The following MDGA1 variants were observed in gnomAD, a reference collection of about 807,000 sequenced individuals.
MDGA1 encodes the protein MAM domain-containing glycosylphosphatidylinositol anchor protein 1.
A neutral mutation model predicts 101.5 loss-of-function variants in MDGA1; 54 were observed. The ratio of observed to expected loss-of-function variants is 0.53; its 90% CI spans 0.43 to 0.67. The LOEUF (loss-of-function observed/expected upper bound fraction) is 0.67, where lower values mean the gene tolerates loss of function less well. Ranked by LOEUF, MDGA1 falls within the 30% of genes least tolerant of loss-of-function variation. The pLI, the probability that MDGA1 is intolerant of heterozygous loss-of-function variation, is 0.00. For synonymous variants in MDGA1, 533 were observed against 558.3 expected (o/e 0.95, Z 0.64); for missense variants, 1,083 against 1,323.8 (o/e 0.82, Z 2.82).
rs1338658974 is a variant in MDGA1, at chr6:37,696,641, TC to T, written c.67+103del. ...GGGGACGCGGGCATCCACTCCAGAG[TC>T]CGAGTCGAGGTCTCCACCAAACCCC... On this transcript the variant is annotated intron_variant, in intron 1 of 16. Coordinates refer to ENST00000434837, the MANE Select transcript of MDGA1 (RefSeq NM_153487.4). This position sits in a 1 kb window ranked among gnomAD's most constrained non-coding sequence, Gnocchi z 5.6. The T allele has an allele frequency of 8.9e-7, 1 of 1,125,026 alleles. No individual in the cohort carries two copies. The highest frequency in any genetic ancestry group is 1.3e-6 in the Non-Finnish European group (1 of 763,824). The allele number at this position is 1,125,026 out of a possible 1,614,324, so 69.7% of individuals were successfully genotyped here.
chr6:37,637,305 G>C lies in MDGA1; in HGVS notation c.*63C>G. ...CCCCAGCTGGCGGGGGTCAGTCTTTGGTACAATGTGGACACTTTGGTGTGC... is the reference window on the plus strand; with the variant it reads ...CCCCAGCTGGCGGGGGTCAGTCTTTCGTACAATGTGGACACTTTGGTGTGC... On this transcript the variant is annotated 3_prime_UTR_variant, in exon 17 of 17. Coordinates refer to ENST00000434837, the MANE Select transcript of MDGA1 (RefSeq NM_153487.4). 7.2e-7 allele frequency: 1 copy of C among 1,394,718 alleles called. No individual in the cohort carries two copies. Among genetic ancestry groups the C allele is most frequent in the Non-Finnish European group, 1.0e-6 (1 of 989,326 alleles). The allele number at this position is 1,394,718 out of a possible 1,614,324, so 86.4% of individuals were successfully genotyped here.
Position 37,671,587 on chromosome 6 carries a change from T to C in MDGA1, c.68-7481A>G, listed in dbSNP as rs116717732. 4.8e-3 allele frequency among the ~76,000 whole-genome samples: 738 copies of C among 152,226 alleles called. 5 individuals carry two copies. The highest frequency in any genetic ancestry group is 0.017 in the African/African-American group (712 of 41,512). The stretch of plus-strand genomic sequence containing the variant: ...CCAAAAATTATACACCCAAAATGTA[T>C]AGTTATGGGTAGGGGCTTCCAGCAC... On this transcript the variant is annotated intron_variant, in intron 1 of 16. Transcript: ENST00000434837.
intron 8 of MDGA1, 68 bp from the exon 9 acceptor site, chr6:37,649,334 G>A (rs1404107962): frequency 1.4e-6 from 2 of 1,412,504 alleles, no homozygotes; most frequent in African/African-American, 1.5e-5. Context: ...TGGCCCGTGG[G>A]GAGGCAACGC....
In MDGA1 at chr6:37,649,028, G is replaced by A. The variant is rs1761287570; in HGVS notation, c.1848C>T (p.Ser616=). The A allele has an allele frequency of 1.3e-6, 2 of 1,549,506 alleles. No individual in the cohort carries two copies. The highest frequency in any genetic ancestry group is 1.7e-6 in the Non-Finnish European group (2 of 1,147,826). The change falls in exon 9 of 17, where the codon AGC becomes AGT. Residue 616 remains serine, a synonymous_variant. Coordinates refer to ENST00000434837, the MANE Select transcript of MDGA1 (RefSeq NM_153487.4). ...TRDSSGSYEC[S]VSNDVGSAAC... ...CAGCCGAGCCCACATCGTTGGAGACGCTGCACTCGTAGCTGCCGCTGCTGT... is the reference window on the plus strand; with the variant it reads ...CAGCCGAGCCCACATCGTTGGAGACACTGCACTCGTAGCTGCCGCTGCTGT...
intron 1 of MDGA1, among the ~76,000 whole-genome samples, chr6:37,664,847 ACACACACACAC>A (rs2114054821): frequency 9.2e-5 from 6 of 65,170 alleles, no homozygotes; most frequent in African/African-American, 3.5e-4. Flanking sequence ...CCTAAGACAC[ACACACACACAC>A]ACACACACAC....
rs1304062329 is a variant in MDGA1 at position 37,638,492 on chromosome 6, C to A, written c.2667+45G>T. On this transcript the variant is annotated intron_variant, in intron 15 of 16. Transcript: ENST00000434837. The surrounding 1 kb of genome is among the most constrained non-coding windows in gnomAD (Gnocchi z 4.8). The stretch of plus-strand genomic sequence containing the variant: ...TTTCCTAAGTGTTTCCTGGCCACAG[C>A]AACCACCGAAGCCGGGGAGGGTCCT... The A allele has an allele frequency of 6.2e-7, 1 of 1,610,432 alleles. No homozygotes were observed. Among genetic ancestry groups the A allele is most frequent in the East Asian group, 2.2e-5 (1 of 44,692 alleles).
At chr6:37,685,111 G>T (rs1762171977) in intron 1 of MDGA1, among the ~76,000 whole-genome samples, 1 of 152,064 alleles carries the variant, frequency 6.6e-6, no homozygotes, top group Non-Finnish European at 1.5e-5. Flanking sequence ...AGGCCAGCCT[G>T]GGCAACATGG....
chr6:37,643,549 G>C (rs968760857), intron 14 of MDGA1, among the ~76,000 whole-genome samples: 2 of 152,246 alleles, frequency 1.3e-5, no homozygotes, highest in Non-Finnish European at 2.9e-5. Flanking sequence ...TGGGATTACA[G>C]GCGTGAGCCA....
chr6:37,685,721 G>A (rs935544884), intron 1 of MDGA1, among the ~76,000 whole-genome samples: 2 of 152,104 alleles, frequency 1.3e-5, no homozygotes, highest in African/African-American at 4.8e-5. Flanking sequence ...GTGTCGGGGG[G>A]CGCTGGCAGA....
In MDGA1 at chr6:37,684,082, C is replaced by T. The variant is rs1262218058; in HGVS notation, c.67+12663G>A. 5.3e-5 allele frequency among the ~76,000 whole-genome samples: 8 copies of T among 152,254 alleles called. No homozygotes were observed. The East Asian group carries it at 1.5e-3, about 29-fold the overall frequency. On this transcript the variant is annotated intron_variant, in intron 1 of 16. Transcript: ENST00000434837. Reference sequence around the variant, plus strand: ...CTGAATCTCATGGCTCAAGATCCAGCTCATCTGATCAACCAACCTGTGCCA... The same window carrying T: ...CTGAATCTCATGGCTCAAGATCCAGTTCATCTGATCAACCAACCTGTGCCA...
chr6:37,647,144 C>T (rs1433075109), intron 10 of MDGA1, 29 bp downstream of exon 10: 2 of 1,574,210 alleles, frequency 1.3e-6, no homozygotes, highest in East Asian at 4.6e-5. Flanking sequence ...CTCCACCTGC[C>T]CCCAGGCCCC....
At chr6:37,649,560 G>T (rs1416060052) in intron 8 of MDGA1, among the ~76,000 whole-genome samples, 1 of 152,206 alleles carries the variant, frequency 6.6e-6, no homozygotes, top group East Asian at 1.9e-4. Flanking sequence ...TGAAATGCAG[G>T]ATAACGCAGG....
chr6:37,636,732 T>C lies in MDGA1; in HGVS notation c.*636A>G, dbSNP rs1292637177. 1 of 152,736 alleles carries C rather than the reference T, an allele frequency of 6.5e-6. No homozygotes were observed. The highest frequency in any genetic ancestry group is 1.5e-5 in the Non-Finnish European group (1 of 68,106). The allele number at this position is 152,736 out of a possible 1,614,324, so 9.5% of individuals were successfully genotyped here. A position where few individuals can be genotyped will look rare whatever the true frequency, so the allele number is the denominator to read the frequency against. ...AGGTCAAGGAATCTGGGGTGACCTA[T>C]GGTCTCCACCATCCAGTGCTCACTC... On this transcript the variant is annotated 3_prime_UTR_variant, in exon 17 of 17. Coordinates refer to ENST00000434837, the MANE Select transcript of MDGA1 (RefSeq NM_153487.4).
At position 37,638,755 on chromosome 6, in the gene MDGA1, T is replaced by C. The variant is rs1763995952; in HGVS notation, c.2537-88A>G. 6.0e-6 allele frequency: 9 copies of C among 1,507,052 alleles called. No homozygotes were observed. In the East Asian group the frequency reaches 2.0e-4, roughly 33 times the overall value. 93.4% of individuals were successfully genotyped at this position (1,507,052 alleles called of 1,614,324 possible). A position where few individuals can be genotyped will look rare whatever the true frequency, so the allele number is the denominator to read the frequency against. ...TTTACCAAGCCCTCTTCTCCCACCA[T>C]AGCCTGCAGCCCTGTCCCTGTTGAC... is the stretch of plus-strand genomic sequence containing the variant. On this transcript the variant is annotated intron_variant, in intron 14 of 16. Transcript: ENST00000434837. This position sits in a 1 kb window ranked among gnomAD's most constrained non-coding sequence, Gnocchi z 4.8.
intron 1 of MDGA1, among the ~76,000 whole-genome samples, chr6:37,690,402 T>C (rs1762284375): frequency 6.6e-6 from 1 of 152,222 alleles, no homozygotes; most frequent in African/African-American, 2.4e-5. Flanking sequence ...GACTGATAAA[T>C]GACTTTCTCA....
chr6:37,658,404 T>A lies in MDGA1; in HGVS notation c.223A>T (p.Thr75Ser). 6.2e-7 allele frequency: 1 copy of A among 1,609,596 alleles called. No individual in the cohort carries two copies. The change falls in exon 3 of 17, where the codon ACG (threonine) becomes TCG (serine). Residue 75 changes from threonine (T) to serine (S), a missense_variant. Transcript: ENST00000434837. ...AACTTGTCCGAGGCGCTACCTGCCG[T>A]CTTGGTCCACCGTACCTGGGCCGCC... ...HPRPQVRWTK[T>S]AGSASDKFQE...
chr6:37,688,838 A>G (rs1421786332), intron 1 of MDGA1, among the ~76,000 whole-genome samples: 1 of 152,256 alleles, frequency 6.6e-6, no homozygotes. Context: ...CCATTGGGCA[A>G]GGACCCTCAG....
intron 1 of MDGA1, among the ~76,000 whole-genome samples, chr6:37,680,815 C>A (rs766715000): frequency 6.6e-6 from 1 of 152,270 alleles, no homozygotes; most frequent in East Asian, 1.9e-4. Context: ...CTGGCACGGG[C>A]GCAGCGGGTG....
At chr6:37,642,179 CTTTTT>C (rs34171567) in intron 14 of MDGA1, among the ~76,000 whole-genome samples, 1 of 109,348 alleles carries the variant, frequency 9.1e-6, no homozygotes, top group Admixed American at 1.1e-4. Flanking sequence ...TGGTTTCTTT[CTTTTT>C]TTTTTTTTTT....
Sources: gnomAD v4.1 joint callset for allele counts (sites outside exome capture counted in the v4.1 genomes callset) on GRCh38, gnomAD v4.1.1 for gene constraint, Gnocchi (gnomAD v3.1) non-coding constraint, MANE v1.5 for transcripts, NCBI Gene and HGNC (gene_info 2026-07-23, HGNC 2026-07-21) for gene names.